Variants in SFXN2 observed in about 807,000 individuals in gnomAD.
The protein encoded by SFXN2 is sideroflexin-2.
A neutral mutation model predicts 41.9 loss-of-function variants in SFXN2; 37 were observed. The observed-to-expected ratio is 0.88, with a 90% CI of 0.68 to 1.16. The LOEUF (loss-of-function observed/expected upper bound fraction) is 1.16. SFXN2 is among the 50% of genes most tolerant of loss of function. The pLI is 0.00. For missense variants in SFXN2, 386 were observed against 425.2 expected (o/e 0.91, Z 0.81); for synonymous variants, 150 against 156.7 (o/e 0.96, Z 0.32).
At chr10:102,722,209 ATT>A (rs1460918704) in intron 1 of SFXN2, among the ~76,000 whole-genome samples, 1 of 152,138 alleles carries the variant, frequency 6.6e-6, no homozygotes, top group African/African-American at 2.4e-5. Flanking sequence ...GTATGACTCC[ATT>A]TTCTCTCCTC....
chr10:102,729,906 C>T, intron 6 of SFXN2, 98 bp downstream of exon 6: 1 of 1,341,294 alleles, frequency 7.5e-7, no homozygotes, highest in South Asian at 1.2e-5. Flanking sequence ...CTGCGGTGGG[C>T]ATGGGGAGGG....
chr10:102,733,313 AT>A (rs56232034), intron 9 of SFXN2, among the ~76,000 whole-genome samples: 147,819 of 152,092 alleles, frequency 0.97, 71,866 homozygotes, highest in East Asian at 1. Flanking sequence ...ACGCCCAGCT[AT>A]TTTTTTTGTA....
In SFXN2 at chr10:102,739,582, CAA is replaced by C. The variant is rs1466578051; in HGVS notation, c.*1824_*1825del. 2 of 152,120 alleles carry C rather than the reference CAA, an allele frequency of 1.3e-5. No homozygotes were observed. The highest frequency in any genetic ancestry group is 4.8e-5 in the African/African-American group (2 of 41,430). The allele number at this position is 152,120 out of a possible 1,614,324, so 9.4% of individuals were successfully genotyped here. ...AATATTTACTGTCTGATCCTTGACA[CAA>C]AAAGTTTCCCCTGCCCTGGAGCAGT... On this transcript the variant is annotated 3_prime_UTR_variant, in exon 12 of 12. Transcript: ENST00000369893.
In SFXN2 at chr10:102,742,174, CT is replaced by C. The variant is rs11292966; in HGVS notation, c.*4422del. On this transcript the variant is annotated 3_prime_UTR_variant, in exon 12 of 12. Coordinates refer to ENST00000369893, the MANE Select transcript of SFXN2 (RefSeq NM_178858.6). ...ATTTATTTTACCAACTTTTTTTTTT[CT>C]TTTTTTTTTGAGACAGAGTCTCACT... 142,193 of 146,656 alleles carry C rather than the reference CT, an allele frequency of 0.97. 68,958 individuals carry two copies. The highest frequency in any genetic ancestry group is 1 in the East Asian group (4,975 of 4,984). 9.1% of individuals were successfully genotyped at this position (146,656 alleles called of 1,614,324 possible).
intron 1 of SFXN2, among the ~76,000 whole-genome samples, chr10:102,724,729 T>C (rs2064564377): frequency 6.6e-6 from 1 of 152,008 alleles, no homozygotes; most frequent in African/African-American, 2.4e-5. Flanking sequence ...CATCACTGCT[T>C]ATGTTATTTG....
chr10:102,735,106 T>C (rs2064756535), intron 10 of SFXN2, among the ~76,000 whole-genome samples: 1 of 129,768 alleles, frequency 7.7e-6, no homozygotes, highest in African/African-American at 2.9e-5. Flanking sequence ...CCCATCCTGG[T>C]CACTCCTCCC....
At chr10:102,720,419 G>A (rs911235592) in intron 1 of SFXN2, among the ~76,000 whole-genome samples, 22 of 151,628 alleles carry the variant, frequency 1.5e-4, no homozygotes, top group African/African-American at 5.3e-4. Context: ...GACCAGCCTA[G>A]CAACATAGGG....
chr10:102,726,396 G>A, intron 1 of SFXN2: 3 of 548,958 alleles, frequency 5.5e-6, no homozygotes. Context: ...CTGCTGTATG[G>A]TCAAGCACAG....
intron 1 of SFXN2, among the ~76,000 whole-genome samples, chr10:102,722,017 G>A (rs1283848478): frequency 6.6e-6 from 1 of 152,088 alleles, no homozygotes; most frequent in Non-Finnish European, 1.5e-5. Context: ...CTGGATTACT[G>A]GGGTTCTCGT....
At position 102,728,413 on chromosome 10, in the gene SFXN2, G is replaced by A; in HGVS notation, c.333-18G>A. The A allele has an allele frequency of 6.2e-7, 1 of 1,612,336 alleles. No individual in the cohort carries two copies. Among genetic ancestry groups the A allele is most frequent in the Non-Finnish European group, 8.5e-7 (1 of 1,178,430 alleles). Reference sequence around the variant, plus strand: ...CATCTGACTTCTCTCTGCCTCTCCTGGCCTTCCTCACTGGTAGGACGATGC... The same window carrying A: ...CATCTGACTTCTCTCTGCCTCTCCTAGCCTTCCTCACTGGTAGGACGATGC... On this transcript the variant is annotated intron_variant, in intron 3 of 11. Coordinates refer to ENST00000369893, the MANE Select transcript of SFXN2 (RefSeq NM_178858.6).
Position 102,742,833 on chromosome 10 carries a change from A to G in SFXN2, c.*5071A>G, listed in dbSNP as rs1015317412. On this transcript the variant is annotated 3_prime_UTR_variant, in exon 12 of 12. Transcript: ENST00000369893. The stretch of plus-strand genomic sequence containing the variant: ...ACAGGATATTATAGGCTTTAAAAGA[A>G]GAAGAAGAAAGACCTGGTATGCTGT... 3 of 152,236 alleles carry G rather than the reference A, an allele frequency of 2.0e-5. No individual in the cohort carries two copies. The highest frequency in any genetic ancestry group is 7.2e-5 in the African/African-American group (3 of 41,460). The allele number at this position is 152,236 out of a possible 1,614,324, so 9.4% of individuals were successfully genotyped here. A position where few individuals can be genotyped will look rare whatever the true frequency, so the allele number is the denominator to read the frequency against.
In SFXN2 at chr10:102,726,785, TGGA is replaced by T; in HGVS notation, c.151_153del (p.Glu51del). ...GAGCTGGACTGGGCCAAGGTGATGG[TGGA>T]GAAGAGCAGGTGAGGGGTCGGGGAA... On this transcript the variant is annotated inframe_deletion, in exon 2 of 12. Transcript: ENST00000369893. 6.2e-7 allele frequency: 1 copy of T among 1,613,942 alleles called. No homozygotes were observed. Among genetic ancestry groups the T allele is most frequent in the Admixed American group, 1.7e-5 (1 of 59,998 alleles).
intron 1 of SFXN2, among the ~76,000 whole-genome samples, chr10:102,720,061 G>A (rs916998805): frequency 6.6e-5 from 10 of 151,990 alleles, no homozygotes; most frequent in African/African-American, 1.9e-4. Flanking sequence ...AGGCCGACGC[G>A]GGTAATGGGT....
chr10:102,719,077 C>T (rs2064462881), intron 1 of SFXN2, among the ~76,000 whole-genome samples: 1 of 151,764 alleles, frequency 6.6e-6, no homozygotes, highest in Non-Finnish European at 1.5e-5. Flanking sequence ...GCGCCTGCCA[C>T]CACGCCCGGC....
At position 102,737,691 on chromosome 10, in the gene SFXN2, A is replaced by T. The variant is rs761221552; in HGVS notation, c.898A>T (p.Lys300Ter). Reference sequence around the variant, plus strand: ...ATTGCCAGTTTCCTATCTGGAACCGAAGCTCCAAGACACTATCAAGGCCAA... The same window carrying T: ...ATTGCCAGTTTCCTATCTGGAACCGTAGCTCCAAGACACTATCAAGGCCAA... Reference protein sequence around the residue: ...CELPVSYLEPKLQDTIKAKYG... With the variant: ...CELPVSYLEP Residue 300 changes from lysine to a stop codon, truncating the protein, a stop_gained, in exon 12 of 12, where the codon AAG becomes TAG. Coordinates refer to ENST00000369893, the MANE Select transcript of SFXN2 (RefSeq NM_178858.6). LOFTEE classifies it high-confidence loss of function. 1.9e-6 allele frequency: 3 copies of T among 1,612,912 alleles called. No homozygotes were observed. In the Admixed American group the frequency reaches 5.0e-5, roughly 27 times the overall value.
chr10:102,735,239 C>T (rs1026805084), intron 10 of SFXN2, among the ~76,000 whole-genome samples: 3 of 149,552 alleles, frequency 2.0e-5, no homozygotes, highest in Admixed American at 1.3e-4. Flanking sequence ...CTCCATGTTG[C>T]TCCTCCCTGT....
At position 102,733,581 on chromosome 10, in the gene SFXN2, C is replaced by T. The variant is rs151088981; in HGVS notation, c.799C>T (p.Gln267Ter). Residue 267 changes from glutamine (Q) to a stop codon, truncating the protein, a stop_gained, in exon 10 of 12, where the codon CAG (glutamine) becomes TAG (stop). Coordinates refer to ENST00000369893, the MANE Select transcript of SFXN2 (RefSeq NM_178858.6). LOFTEE classifies it high-confidence loss of function. Reference protein sequence around the residue: ...QKVKVLHAPLQVMLSGCFLIF... With the variant: ...QKVKVLHAPL Reference sequence around the variant, plus strand: ...AGTCAAGGTCCTGCACGCCCCATTGCAGGTCATGCTGAGCGGGTGCTTGTA... The same window carrying T: ...AGTCAAGGTCCTGCACGCCCCATTGTAGGTCATGCTGAGCGGGTGCTTGTA... 4,717 of 1,614,062 alleles carry T rather than the reference C, an allele frequency of 2.9e-3. 17 individuals carry two copies. The highest frequency in any genetic ancestry group is 3.4e-3 in the Non-Finnish European group (4,070 of 1,179,918).
At chr10:102,725,202 G>A (rs1229762375) in intron 1 of SFXN2, among the ~76,000 whole-genome samples, 1 of 152,176 alleles carries the variant, frequency 6.6e-6, no homozygotes, top group East Asian at 1.9e-4. Context: ...GTGGTGAGGT[G>A]AGGGAGTGGA....
At chr10:102,717,849 T>C in intron 1 of SFXN2, 3 of 949,794 alleles carry the variant, frequency 3.2e-6, no homozygotes, top group Non-Finnish European at 3.8e-6. Flanking sequence ...ATGATCCCGA[T>C]GCTTGTGAGC....
Sources: allele counts gnomAD v4.1 joint callset (sites outside exome capture counted in the v4.1 genomes callset), GRCh38; gene constraint gnomAD v4.1.1; transcripts MANE v1.5; gene names NCBI Gene and HGNC (gene_info 2026-07-23, HGNC 2026-07-21).